PDE4D: variants seen among roughly 807,000 people sequenced by gnomAD.
PDE4D encodes 3',5'-cyclic-AMP phosphodiesterase 4D.
A neutral mutation model predicts 87.4 loss-of-function variants in PDE4D; 24 were observed. The ratio of observed to expected loss-of-function variants is 0.27; its 90% CI spans 0.20 to 0.39. The LOEUF (loss-of-function observed/expected upper bound fraction) is 0.39. Ranked by LOEUF, PDE4D falls within the 10% of genes least tolerant of loss-of-function variation. The probability of loss-of-function intolerance (pLI) is 1.00; values close to 1 mark genes in which losing one functional copy is unlikely to be tolerated. For missense variants in PDE4D, 714 were observed against 1,041.0 expected (o/e 0.69, Z 4.32); for synonymous variants, 384 against 383.2 (o/e 1.00, Z -0.02).
chr5:59,043,103 A>C (rs1759965549), intron 5 of PDE4D, among the ~76,000 whole-genome samples: 1 of 152,240 alleles, frequency 6.6e-6, no homozygotes, highest in Non-Finnish European at 1.5e-5. Flanking sequence ...GGTCTGCTAA[A>C]GGACTGTATC....
intron 1 of PDE4D, among the ~76,000 whole-genome samples, chr5:59,427,203 G>A (rs1198366866): frequency 1.3e-5 from 2 of 150,162 alleles, no homozygotes; most frequent in East Asian, 4.0e-4. Context: ...AGGGAAACAA[G>A]GAAAGGGAAT....
At chr5:59,513,350 A>G (rs1438878408) in intron 1 of PDE4D, among the ~76,000 whole-genome samples, 1 of 152,206 alleles carries the variant, frequency 6.6e-6, no homozygotes, top group African/African-American at 2.4e-5. Context: ...ATTGACAAAA[A>G]TCAGGTTAGC....
intron 1 of PDE4D, among the ~76,000 whole-genome samples, chr5:59,615,612 C>T (rs1247332634): frequency 6.6e-6 from 1 of 152,152 alleles, no homozygotes; most frequent in African/African-American, 2.4e-5. Flanking sequence ...TGCATTTGCT[C>T]TTATATCACC....
Position 59,880,013 on chromosome 5 carries a change from G to C in PDE4D, c.455+13155C>G, listed in dbSNP as rs1037460301. Among the ~76,000 whole-genome samples, 3 of 152,252 alleles carry C rather than the reference G, an allele frequency of 2.0e-5. No homozygotes were observed. In the South Asian group the frequency reaches 6.2e-4, roughly 32 times the overall value. On this transcript the variant is annotated intron_variant, in intron 1 of 14. Coordinates refer to ENST00000340635, the MANE Select transcript of PDE4D (RefSeq NM_001104631.2). ...TTTGGCCTCCCAAAGTGCTGGCATT[G>C]CAAGCGTGAGCCACTGCTCCTGGCC...
intron 5 of PDE4D, among the ~76,000 whole-genome samples, chr5:59,117,856 AGG>A (rs1173697798): frequency 1.3e-5 from 2 of 151,344 alleles, no homozygotes; most frequent in Admixed American, 1.3e-4. Flanking sequence ...AAAAGGAGGA[AGG>A]AGAACTGGCT....
intron 2 of PDE4D, among the ~76,000 whole-genome samples, chr5:60,065,960 T>C (rs914020799): frequency 6.6e-6 from 1 of 152,240 alleles, no homozygotes; most frequent in Admixed American, 6.5e-5. Context: ...AGTAATGGGA[T>C]GGCAGGGTCA....
At chr5:59,571,087 T>C (rs903099472) in intron 1 of PDE4D, among the ~76,000 whole-genome samples, 1 of 152,228 alleles carries the variant, frequency 6.6e-6, no homozygotes, top group African/African-American at 2.4e-5. Context: ...TCCTCCCTGA[T>C]GTATATTGGT....
At chr5:59,529,177 T>C (rs1367247976) in intron 1 of PDE4D, 16 of 483,890 alleles carry the variant, frequency 3.3e-5, no homozygotes, top group Non-Finnish European at 4.5e-5. Flanking sequence ...GTATTATGTT[T>C]TCAAAACTGA....
chr5:59,288,700 C>T (rs764750866), intron 1 of PDE4D, among the ~76,000 whole-genome samples: 10 of 151,756 alleles, frequency 6.6e-5, no homozygotes, highest in African/African-American at 1.5e-4. Context: ...ATCTGAAAAG[C>T]GGCAAGAAAA....
At chr5:59,215,564 T>C in intron 2 of PDE4D, 1 of 524,056 alleles carries the variant, frequency 1.9e-6, no homozygotes, top group East Asian at 3.4e-5. Flanking sequence ...TGTGTGTGTG[T>C]GTGTGTGTGT....
chr5:59,800,239 T>A (rs764164756), intron 1 of PDE4D, among the ~76,000 whole-genome samples: 1 of 152,050 alleles, frequency 6.6e-6, no homozygotes, highest in Non-Finnish European at 1.5e-5. Flanking sequence ...CAATGGAACA[T>A]GTGCGACAAT....
chr5:59,198,528 C>T (rs1224077104), intron 2 of PDE4D, among the ~76,000 whole-genome samples: 1 of 152,156 alleles, frequency 6.6e-6, no homozygotes, highest in Non-Finnish European at 1.5e-5. Context: ...CATGCTCTGT[C>T]ACCTTCCCTG....
intron 5 of PDE4D, among the ~76,000 whole-genome samples, chr5:59,140,688 A>G (rs1430365153): frequency 1.3e-5 from 2 of 152,256 alleles, no homozygotes; most frequent in African/African-American, 4.8e-5. Context: ...TTCCAGAAAT[A>G]GTAACAAGAC....
chr5:59,211,596 C>A (rs1750093567), intron 2 of PDE4D, among the ~76,000 whole-genome samples: 1 of 151,616 alleles, frequency 6.6e-6, no homozygotes, highest in Non-Finnish European at 1.5e-5. Flanking sequence ...AAAATGCTTG[C>A]TTTTTTTTCA....
chr5:59,922,396 C>T (rs1754769905), intron 3 of PDE4D, among the ~76,000 whole-genome samples: 1 of 152,152 alleles, frequency 6.6e-6, no homozygotes, highest in Admixed American at 6.5e-5. Flanking sequence ...GCTTGTGCCA[C>T]CCCACCCCCA....
intron 1 of PDE4D, among the ~76,000 whole-genome samples, chr5:60,278,229 G>A (rs1583288022): frequency 6.6e-6 from 1 of 152,078 alleles, no homozygotes; most frequent in Non-Finnish European, 1.5e-5. Flanking sequence ...AAAAAAAAAT[G>A]TGTGTCACTT....
At chr5:59,182,554 T>C (rs1741916977) in intron 4 of PDE4D, among the ~76,000 whole-genome samples, 2 of 152,166 alleles carry the variant, frequency 1.3e-5, no homozygotes, top group Non-Finnish European at 2.9e-5. Context: ...GTCCTTGCTC[T>C]GTGAAAATTT....
At chr5:59,404,684 T>A in intron 1 of PDE4D, among the ~76,000 whole-genome samples, 1 of 136,518 alleles carries the variant, frequency 7.3e-6, no homozygotes, top group Non-Finnish European at 1.6e-5. Flanking sequence ...AAAAAAAATC[T>A]TTGCTCAGGC....
intron 3 of PDE4D, among the ~76,000 whole-genome samples, chr5:59,191,354 A>C (rs913850867): frequency 5.9e-5 from 9 of 151,898 alleles, no homozygotes; most frequent in Non-Finnish European, 1.3e-4. Context: ...ACCATATATC[A>C]TACACAGACC....
Sources: gnomAD v4.1 joint callset for allele counts (sites outside exome capture counted in the v4.1 genomes callset) on GRCh38, gnomAD v4.1.1 for gene constraint, MANE v1.5 for transcripts, NCBI Gene and HGNC (gene_info 2026-07-23, HGNC 2026-07-21) for gene names.